Variants in TAP2 observed in about 807,000 individuals in gnomAD.
TAP2 encodes antigen peptide transporter 2.
A neutral mutation model predicts 74.7 loss-of-function variants in TAP2; 49 were observed. The observed-to-expected ratio is 0.66, with a 90% CI of 0.52 to 0.83. The LOEUF (loss-of-function observed/expected upper bound fraction) is 0.83, where lower values mean the gene tolerates loss of function less well. Among genes scored for constraint, TAP2 ranks in the 40% least tolerant of loss-of-function variants. The pLI is 0.00. For synonymous variants in TAP2, 306 were observed against 368.4 expected (o/e 0.83, Z 1.94); for missense variants, 739 against 859.0 (o/e 0.86, Z 1.75).
chr6:32,827,793 A>G lies in TAP2; in HGVS notation c.*1113T>C. On this transcript the variant is annotated 3_prime_UTR_variant, in exon 12 of 12. Coordinates refer to ENST00000374897, the MANE Select transcript of TAP2 (RefSeq NM_001290043.2). ...TGAGAGCACCTGAAGGAATTTCCAG[A>G]AATGCCATCATCGTATGTGACACAG... 4 of 866,832 alleles carry G rather than the reference A, an allele frequency of 4.6e-6. No homozygotes were observed. Among genetic ancestry groups the G allele is most frequent in the Non-Finnish European group, 5.3e-6 (4 of 752,746 alleles). 53.7% of individuals were successfully genotyped at this position (866,832 alleles called of 1,614,324 possible).
rs113575716 is a variant in TAP2 at position 32,826,289 on chromosome 6, G to T, written c.*2617C>A. 5.9e-4 allele frequency: 584 copies of T among 985,300 alleles called. No homozygotes were observed. Among genetic ancestry groups the T allele is most frequent in the Non-Finnish European group, 6.8e-4 (566 of 829,942 alleles). The allele number at this position is 985,300 out of a possible 1,614,324, so 61.0% of individuals were successfully genotyped here. A position where few individuals can be genotyped will look rare whatever the true frequency, so the allele number is the denominator to read the frequency against. ...AGGGCCGGGCAGACAGGCTATGGAG[G>T]TGTTTTGGCATCCAAGGAAATCTAT... On this transcript the variant is annotated 3_prime_UTR_variant, in exon 12 of 12. Transcript: ENST00000374897.
Position 32,832,932 on chromosome 6 carries a change from C to T in TAP2, c.946-108G>A. Reference sequence around the variant, plus strand: ...CCCTAGTCTACCTAAAAATACCAAACTGTTTCTCTCCCTCTTCCTTACTCT... The same window carrying T: ...CCCTAGTCTACCTAAAAATACCAAATTGTTTCTCTCCCTCTTCCTTACTCT... On this transcript the variant is annotated intron_variant, in intron 5 of 11. Coordinates refer to ENST00000374897, the MANE Select transcript of TAP2 (RefSeq NM_001290043.2). The surrounding 1 kb of genome is among the most constrained non-coding windows in gnomAD (Gnocchi z 5.9). The T allele has an allele frequency of 8.3e-7, 1 of 1,210,396 alleles. No homozygotes were observed. Among genetic ancestry groups the T allele is most frequent in the Non-Finnish European group, 1.2e-6 (1 of 841,850 alleles). 75.0% of individuals were successfully genotyped at this position (1,210,396 alleles called of 1,614,324 possible). A position where few individuals can be genotyped will look rare whatever the true frequency, so the allele number is the denominator to read the frequency against.
In TAP2 at chr6:32,830,689, G is replaced by A. The variant is rs755494717; in HGVS notation, c.1390C>T (p.Leu464=). ...PSPGTLAPTT[L]QGVVKFQDVS... is the part of the protein sequence containing the mutation. ...TCTTGGAATTTCACAACCCCCTGCAGAGTGGTGGGGGCAAGCGTGCCAGGT... is the reference window on the plus strand; with the variant it reads ...TCTTGGAATTTCACAACCCCCTGCAAAGTGGTGGGGGCAAGCGTGCCAGGT... The change falls in exon 8 of 12, where the codon CTG becomes TTG. Residue 464 remains leucine (L), a synonymous_variant. Transcript: ENST00000374897. 2.5e-6 allele frequency: 4 copies of A among 1,613,114 alleles called. No homozygotes were observed. Among genetic ancestry groups the A allele is most frequent in the Non-Finnish European group, 3.4e-6 (4 of 1,180,038 alleles).
In TAP2 at chr6:32,834,057, C is replaced by A. The variant is rs1048673849; in HGVS notation, c.945+1097G>T. Reference sequence around the variant, plus strand: ...CCAATCTTGGGTATGTCTTTATCAGCAGCGTAAAAATGGACTAATACATGG... The same window carrying A: ...CCAATCTTGGGTATGTCTTTATCAGAAGCGTAAAAATGGACTAATACATGG... On this transcript the variant is annotated intron_variant, in intron 5 of 11. Transcript: ENST00000374897. Among the ~76,000 whole-genome samples the A allele has an allele frequency of 5.9e-5, 9 of 152,266 alleles. No homozygotes were observed. The East Asian group carries it at 9.6e-4, about 16-fold the overall frequency.
chr6:32,829,171 T>G (rs1376212124), intron 11 of TAP2, 137 bp from the exon 12 acceptor site: 1 of 1,485,362 alleles, frequency 6.7e-7, no homozygotes, highest in Non-Finnish European at 9.0e-7. Context: ...GATAAAGGCC[T>G]GGACTGCCCT....
At position 32,832,307 on chromosome 6, in the gene TAP2, G is replaced by A; in HGVS notation, c.1272+26C>T. The stretch of plus-strand genomic sequence containing the variant: ...ACAAAGAAAAAGAGAGGGAAAAAAG[G>A]AGAGCAGGCTTGGCTTCTCGCTCAC... On this transcript the variant is annotated intron_variant, in intron 7 of 11. Transcript: ENST00000374897. This position sits in a 1 kb window ranked among gnomAD's most constrained non-coding sequence, Gnocchi z 5.9. 6.2e-7 allele frequency: 1 copy of A among 1,612,964 alleles called. No homozygotes were observed. The highest frequency in any genetic ancestry group is 8.5e-7 in the Non-Finnish European group (1 of 1,180,014).
Position 32,829,425 on chromosome 6 carries a change from G to A in TAP2, c.1907C>T (p.Ala636Val), listed in dbSNP as rs1260928483. Residue 636 changes from alanine to valine, a missense_variant, in exon 11 of 12, where the codon GCC (alanine) becomes GTC (valine). Ala to Val is a moderately conservative substitution (Grantham distance 64). Coordinates refer to ENST00000374897, the MANE Select transcript of TAP2 (RefSeq NM_001290043.2). ...RVLILDEATS[A>V]LDVQCEQALQ... ...GGCCTGCTCGCACTGCACATCTAGG[G>A]CACTAGTAGCCTCATCCAGGATGAG... is the stretch of plus-strand genomic sequence containing the variant. The A allele has an allele frequency of 6.2e-7, 1 of 1,607,866 alleles. No individual in the cohort carries two copies. The highest frequency in any genetic ancestry group is 8.5e-7 in the Non-Finnish European group (1 of 1,177,098).
Position 32,826,111 on chromosome 6 carries a change from G to A in TAP2, c.*2795C>T. Reference sequence around the variant, plus strand: ...CTAGCTGACAGCTCTAAAACACAAGGAAGATCTTTGTTTTCCTTATTCCCT... The same window carrying A: ...CTAGCTGACAGCTCTAAAACACAAGAAAGATCTTTGTTTTCCTTATTCCCT... On this transcript the variant is annotated 3_prime_UTR_variant, in exon 12 of 12. Transcript: ENST00000374897. The A allele has an allele frequency of 1.0e-6, 1 of 985,368 alleles. No individual in the cohort carries two copies. The highest frequency in any genetic ancestry group is 1.2e-6 in the Non-Finnish European group (1 of 829,926). 61.0% of individuals were successfully genotyped at this position (985,368 alleles called of 1,614,324 possible).
intron 7 of TAP2, among the ~76,000 whole-genome samples, chr6:32,831,280 T>C (rs150994333): frequency 0.011 from 1,624 of 152,308 alleles, 28 homozygotes; most frequent in African/African-American, 0.03. Flanking sequence ...TAGGAAGAGA[T>C]CTAAATGCTC....
chr6:32,836,166 G>T (rs942432604), intron 3 of TAP2, among the ~76,000 whole-genome samples: 1 of 152,098 alleles, frequency 6.6e-6, no homozygotes, highest in African/African-American at 2.4e-5. Flanking sequence ...CCTCCGCCTT[G>T]GTCTCCTTCC....
At position 32,832,680 on chromosome 6, in the gene TAP2, G is replaced by T; in HGVS notation, c.1090C>A (p.Gln364Lys). ...TCCAGGTCTCTCCGCCAATACAGCT[G>T]CCGACATTGTTCAAGGGCCTCTTTA... Reference protein sequence around the residue: ...RYKEALEQCRQLYWRRDLERA... With the variant: ...RYKEALEQCRKLYWRRDLERA... Residue 364 changes from glutamine to lysine, a missense_variant, in exon 6 of 12, where the codon CAG becomes AAG. By Grantham distance (53) the Gln-to-Lys change is moderately conservative (BLOSUM62 1). Coordinates refer to ENST00000374897, the MANE Select transcript of TAP2 (RefSeq NM_001290043.2). This position sits in a 1 kb window ranked among gnomAD's most constrained non-coding sequence, Gnocchi z 5.9. The T allele has an allele frequency of 6.2e-7, 1 of 1,613,044 alleles. No individual in the cohort carries two copies. Among genetic ancestry groups the T allele is most frequent in the Non-Finnish European group, 8.5e-7 (1 of 1,180,042 alleles).
rs1246046333 is a variant in TAP2 at position 32,838,199 on chromosome 6, A to T, written c.35T>A (p.Leu12Gln). The change falls in exon 2 of 12, where the codon CTG (leucine) becomes CAG (glutamine). Residue 12 changes from leucine to glutamine, a missense_variant. By Grantham distance (113) the Leu-to-Gln change is moderately radical. Transcript: ENST00000374897. The part of the protein sequence containing the change: ...RLPDLRPWTS[L>Q]LLVDAALLWL... Reference sequence around the variant, plus strand: ...CAGTAAAGCCGCGTCCACCAGCAGCAGGGAGGTCCAGGGTCTCAGGTCAGG... The same window carrying T: ...CAGTAAAGCCGCGTCCACCAGCAGCTGGGAGGTCCAGGGTCTCAGGTCAGG... 6.3e-7 allele frequency: 1 copy of T among 1,588,212 alleles called. No individual in the cohort carries two copies. The highest frequency in any genetic ancestry group is 2.0e-4 in the Middle Eastern group (1 of 5,050).
downstream of TAP2, among the ~76,000 whole-genome samples, chr6:32,822,622 C>T (rs1768358973): frequency 6.7e-6 from 1 of 148,568 alleles, no homozygotes; most frequent in Non-Finnish European, 1.5e-5. Flanking sequence ...TCACTGCAGC[C>T]TTGAACTGGG....
chr6:32,824,770 C>G (rs1015658638), downstream of TAP2, among the ~76,000 whole-genome samples: 7 of 152,034 alleles, frequency 4.6e-5, no homozygotes, highest in African/African-American at 1.4e-4. Context: ...TAATCAATAT[C>G]TCTACCCTCC....
chr6:32,824,852 T>C (rs1768531843), downstream of TAP2, among the ~76,000 whole-genome samples: 1 of 152,134 alleles, frequency 6.6e-6, no homozygotes, highest in African/African-American at 2.4e-5. Flanking sequence ...GTGGTTGCTC[T>C]GCCTTATTTT....
In TAP2 at chr6:32,835,496, G is replaced by T; in HGVS notation, c.740-137C>A. The T allele has an allele frequency of 1.4e-6, 2 of 1,432,744 alleles. No individual in the cohort carries two copies. The highest frequency in any genetic ancestry group is 1.9e-6 in the Non-Finnish European group (2 of 1,032,488). 88.8% of individuals were successfully genotyped at this position (1,432,744 alleles called of 1,614,324 possible). ...CTTCACTTGCAGAGGGACAGTGGAG[G>T]CTGCTTCTCCACCCTGTCCCAAACA... On this transcript the variant is annotated intron_variant, in intron 4 of 11. Coordinates refer to ENST00000374897, the MANE Select transcript of TAP2 (RefSeq NM_001290043.2). The surrounding 1 kb of genome is among the most constrained non-coding windows in gnomAD (Gnocchi z 4.0).
chr6:32,837,827 A>T lies in TAP2; in HGVS notation c.407T>A (p.Val136Asp), dbSNP rs1226251754. ...GAGCTTCAGCAGCCTCCACATCAAG[A>T]CTTTGTTGTTCACCTGGTCCTGCTC... ...EKEQDQVNNK[V>D]LMWRLLKLSR... The change falls in exon 2 of 12, where the codon GTC becomes GAC. Residue 136 changes from valine to aspartate, a missense_variant. Physicochemically the swap from Val to Asp is radical, Grantham distance 152. Transcript: ENST00000374897. The T allele has an allele frequency of 6.2e-7, 1 of 1,613,788 alleles. No homozygotes were observed. Among genetic ancestry groups the T allele is most frequent in the East Asian group, 2.2e-5 (1 of 44,866 alleles).
Position 32,826,133 on chromosome 6 carries a change from C to T in TAP2, c.*2773G>A, listed in dbSNP as rs1008588948. ...AAGGAAGATCTTTGTTTTCCTTATT[C>T]CCTAGTCCTTTCCCCACAAAATTCT... On this transcript the variant is annotated 3_prime_UTR_variant, in exon 12 of 12. Transcript: ENST00000374897. The T allele has an allele frequency of 2.0e-6, 2 of 985,314 alleles. No homozygotes were observed. Among genetic ancestry groups the T allele is most frequent in the Non-Finnish European group, 2.4e-6 (2 of 829,944 alleles). The allele number at this position is 985,314 out of a possible 1,614,324, so 61.0% of individuals were successfully genotyped here.
At chr6:32,823,171 T>A (rs1768415126), downstream of TAP2, among the ~76,000 whole-genome samples, 1 of 152,110 alleles carries the variant, frequency 6.6e-6, no homozygotes, top group Non-Finnish European at 1.5e-5. Flanking sequence ...CCGCCCGCCT[T>A]GGCCTACCAA....
Sources: gnomAD v4.1 joint callset for allele counts (sites outside exome capture counted in the v4.1 genomes callset) on GRCh38, gnomAD v4.1.1 for gene constraint, Gnocchi (gnomAD v3.1) non-coding constraint, MANE v1.5 for transcripts, NCBI Gene and HGNC (gene_info 2026-07-23, HGNC 2026-07-21) for gene names.